The following CLYBL variants were observed in gnomAD, a reference collection of about 807,000 sequenced individuals.
The protein encoded by CLYBL is citramalyl-CoA lyase, mitochondrial.
In CLYBL, 31 loss-of-function variants were observed where a neutral mutation model predicts 38.9. The ratio of observed to expected loss-of-function variants is 0.80; its 90% CI spans 0.60 to 1.08. The LOEUF (loss-of-function observed/expected upper bound fraction) is 1.08, where lower values mean the gene tolerates loss of function less well. CLYBL is among the 50% of genes least tolerant of loss of function. The probability of loss-of-function intolerance (pLI) is 0.00; values close to 1 mark genes in which losing one functional copy is unlikely to be tolerated. For missense variants in CLYBL, 434 were observed against 411.6 expected (o/e 1.05, Z -0.47); for synonymous variants, 171 against 158.6 (o/e 1.08, Z -0.59).
chr13:99,841,684 G>A (rs2051082240), intron 2 of CLYBL, among the ~76,000 whole-genome samples: 2 of 152,212 alleles, frequency 1.3e-5, no homozygotes, highest in Admixed American at 6.5e-5. Context: ...ACAGGCGTGA[G>A]CCACTGCGCC....
At chr13:99,691,707 A>G (rs1426381182) in intron 1 of CLYBL, among the ~76,000 whole-genome samples, 6 of 152,176 alleles carry the variant, frequency 3.9e-5, no homozygotes, top group African/African-American at 1.4e-4. Flanking sequence ...CTTAGACTAT[A>G]AGCTCCTCAT....
At chr13:99,757,472 C>T (rs940940961) in intron 1 of CLYBL, among the ~76,000 whole-genome samples, 1 of 151,900 alleles carries the variant, frequency 6.6e-6, no homozygotes, top group Non-Finnish European at 1.5e-5. Context: ...TTATTTATTT[C>T]GAGATGGAGT....
intron 2 of CLYBL, among the ~76,000 whole-genome samples, chr13:99,800,089 G>A (rs907001357): frequency 6.6e-6 from 1 of 152,208 alleles, no homozygotes; most frequent in Non-Finnish European, 1.5e-5. Context: ...CGTGCAGTTT[G>A]TCGTCCTCCC....
intron 2 of CLYBL, among the ~76,000 whole-genome samples, chr13:99,818,429 G>A (rs1183011791): frequency 1.4e-5 from 2 of 144,858 alleles, no homozygotes; most frequent in Admixed American, 1.4e-4. Flanking sequence ...GACCCCTGAA[G>A]ATCACATGGA....
In CLYBL at chr13:99,759,487, G is replaced by A. The variant is rs1247619184; in HGVS notation, c.63-13337G>A. 3.3e-5 allele frequency among the ~76,000 whole-genome samples: 5 copies of A among 152,168 alleles called. No homozygotes were observed. In the East Asian group the frequency reaches 5.8e-4, roughly 18 times the overall value. ...GTTCTACGCACCCAAGTCTGGAGAG[G>A]TGGCTTTGGTGAGGCAACAAGTTAA... On this transcript the variant is annotated intron_variant, in intron 1 of 8. Coordinates refer to ENST00000339105, the MANE Select transcript of CLYBL (RefSeq NM_206808.5).
intron 2 of CLYBL, among the ~76,000 whole-genome samples, chr13:99,798,029 A>G (rs2050057505): frequency 6.6e-6 from 1 of 152,116 alleles, no homozygotes; most frequent in Non-Finnish European, 1.5e-5. Flanking sequence ...GAGTGCCTGG[A>G]TGTTCTTTGA....
chr13:99,716,648 T>A lies in CLYBL; in HGVS notation c.63-56176T>A, dbSNP rs1594135823. 2.0e-5 allele frequency among the ~76,000 whole-genome samples: 3 copies of A among 150,156 alleles called. No homozygotes were observed. The East Asian group carries it at 6.1e-4, about 30-fold the overall frequency. ...ATCCACCCACCTCGGCCTCCCAAAGTGCTGGGATTACAGGCGTGAGCCACC... is the reference window on the plus strand; with the variant it reads ...ATCCACCCACCTCGGCCTCCCAAAGAGCTGGGATTACAGGCGTGAGCCACC... On this transcript the variant is annotated intron_variant, in intron 1 of 8. Coordinates refer to ENST00000339105, the MANE Select transcript of CLYBL (RefSeq NM_206808.5).
intron 1 of CLYBL, among the ~76,000 whole-genome samples, chr13:99,652,798 C>T (rs866932734): frequency 2.6e-5 from 4 of 152,216 alleles, no homozygotes; most frequent in Non-Finnish European, 5.9e-5. Flanking sequence ...GCCTGGGTGT[C>T]GGAGGTGAGG....
intron 2 of CLYBL, among the ~76,000 whole-genome samples, chr13:99,856,812 C>T (rs146180953): frequency 0.28 from 42,274 of 150,978 alleles, 6,292 homozygotes; most frequent in East Asian, 0.51. Flanking sequence ...CTAATTTTTG[C>T]ATTTTTAGTA....
At chr13:99,867,963 T>G (rs1211021417) in intron 6 of CLYBL, among the ~76,000 whole-genome samples, 1 of 152,146 alleles carries the variant, frequency 6.6e-6, no homozygotes, top group Non-Finnish European at 1.5e-5. Flanking sequence ...ACTTGGCCCC[T>G]AATTCAATCG....
chr13:99,895,605 C>G (rs1369454341), downstream of CLYBL: 1 of 152,224 alleles, frequency 6.6e-6, no homozygotes, highest in Non-Finnish European at 1.5e-5. Flanking sequence ...TCCCAGACCC[C>G]GCGGGCGAGC....
At chr13:99,706,219 C>T (rs1230784063) in intron 1 of CLYBL, among the ~76,000 whole-genome samples, 2 of 151,860 alleles carry the variant, frequency 1.3e-5, no homozygotes, top group Non-Finnish European at 2.9e-5. Flanking sequence ...CGTGAGCTAC[C>T]GTGCCTGACG....
At chr13:99,817,651 T>C (rs1321936940) in intron 2 of CLYBL, among the ~76,000 whole-genome samples, 1 of 107,828 alleles carries the variant, frequency 9.3e-6, no homozygotes, top group Non-Finnish European at 1.8e-5. Context: ...CGAGACTCTG[T>C]CTCAAAAAAA....
chr13:99,866,106 C>T, intron 5 of CLYBL, 134 bp from the exon 6 acceptor site: 1 of 857,576 alleles, frequency 1.2e-6, no homozygotes, highest in Non-Finnish European at 1.8e-6. Context: ...ATTTGTATTT[C>T]AATAATTTTA....
At chr13:99,685,294 A>G (rs942793663) in intron 1 of CLYBL, among the ~76,000 whole-genome samples, 5 of 152,234 alleles carry the variant, frequency 3.3e-5, no homozygotes, top group Non-Finnish European at 7.3e-5. Context: ...AAGGGGGGAA[A>G]AAGCCTATTA....
intron 1 of CLYBL, among the ~76,000 whole-genome samples, chr13:99,609,385 C>T (rs144348612): frequency 0.013 from 2,037 of 152,038 alleles, 45 homozygotes; most frequent in African/African-American, 0.046. Context: ...CCATGTTGGC[C>T]AGGATGGTCT....
chr13:99,894,535 C>T (rs1924105), downstream of CLYBL: 132,786 of 152,228 alleles, frequency 0.87, 58,180 homozygotes, highest in Admixed American at 0.91. Context: ...CGGGACAAGA[C>T]TGAGTTGGGA....
At chr13:99,809,386 C>T (rs557899992) in intron 2 of CLYBL, among the ~76,000 whole-genome samples, 34 of 152,300 alleles carry the variant, frequency 2.2e-4, no homozygotes, top group Admixed American at 7.2e-4. Context: ...CCACCCTCTC[C>T]GATGGTGGGC....
At chr13:99,756,655 TTA>T in intron 1 of CLYBL, among the ~76,000 whole-genome samples, 1 of 152,288 alleles carries the variant, frequency 6.6e-6, no homozygotes, top group Admixed American at 6.5e-5. Flanking sequence ...TTAGTGTATT[TTA>T]TGTGGAGCCA....
Sources: gnomAD v4.1 joint callset for allele counts (sites outside exome capture counted in the v4.1 genomes callset) on GRCh38, gnomAD v4.1.1 for gene constraint, MANE v1.5 for transcripts, NCBI Gene and HGNC (gene_info 2026-07-23, HGNC 2026-07-21) for gene names.